The following LINC00632 variants were observed in gnomAD, a reference collection of about 807,000 sequenced individuals.
The protein encoded by LINC00632 is long independently transcribed non-coding RNA 632.
rs1420363465 is a variant in LINC00632 at position 140,753,219 on chromosome X, T to C, written n.192-18859T>C. ...GTGAGAGCAGACTAAGATTCCAGAG[T>C]CTGTACTAATTAGAGTCTATGCTAC... is the stretch of plus-strand genomic sequence containing the variant. On this transcript the variant is annotated intron_variant and non_coding_transcript_variant, in intron 3 of 4. Coordinates refer to ENST00000648200, the Ensembl canonical transcript of LINC00632. Among the ~76,000 whole-genome samples, 3 of 111,670 alleles carry C rather than the reference T, an allele frequency of 2.7e-5. No homozygotes were observed. In the East Asian group the frequency reaches 8.4e-4, roughly 31 times the overall value.
At chrX:140,789,637 T>C (rs1932077556) in exon 5 of LINC00632, among the ~76,000 whole-genome samples, 1 of 112,357 alleles carries the variant, frequency 8.9e-6, no homozygotes, top group Non-Finnish European at 1.9e-5. Context: ...TTTTGACTTT[T>C]GTCAGTATTT....
At chrX:140,717,162 T>C (rs776732616) in intron 2 of LINC00632, among the ~76,000 whole-genome samples, 1 of 110,484 alleles carries the variant, frequency 9.1e-6, no homozygotes, top group African/African-American at 3.3e-5. Context: ...TTTGTATTTT[T>C]AGTAGAGACA....
At chrX:140,714,124 C>G (rs1327689749) in intron 2 of LINC00632, 1 of 176,598 alleles carries the variant, frequency 5.7e-6, no homozygotes, top group Non-Finnish European at 1.1e-5. Flanking sequence ...TCCTAGAGCA[C>G]AGGGACTCTT....
intron 3 of LINC00632, among the ~76,000 whole-genome samples, chrX:140,742,866 A>AGATT: frequency 1.1e-5 from 1 of 94,463 alleles, no homozygotes; most frequent in Admixed American, 1.2e-4. Flanking sequence ...AGAGAGAGAG[A>AGATT]GAGAGAGAGA....
chrX:140,755,146 T>C (rs1931472562), intron 3 of LINC00632, among the ~76,000 whole-genome samples: 1 of 112,261 alleles, frequency 8.9e-6, no homozygotes, highest in Non-Finnish European at 1.9e-5. Context: ...CTGATCCTGG[T>C]AAGTCACAGA....
chrX:140,783,565 C>T (rs1569357693), exon 5 of LINC00632: 2 of 1,186,659 alleles, frequency 1.7e-6, no homozygotes, highest in East Asian at 3.0e-5. Flanking sequence ...AAATCTAGTT[C>T]TTCCAGAAAA....
At chrX:140,737,402 A>G (rs1931161856) in intron 3 of LINC00632, among the ~76,000 whole-genome samples, 1 of 111,565 alleles carries the variant, frequency 9.0e-6, no homozygotes, top group Admixed American at 9.6e-5. Flanking sequence ...AGAATTTGTA[A>G]TGATCAGGTC....
At chrX:140,754,820 T>A in intron 3 of LINC00632, among the ~76,000 whole-genome samples, 1 of 104,490 alleles carries the variant, frequency 9.6e-6, no homozygotes, top group Non-Finnish European at 2.0e-5. Flanking sequence ...GATTTCATGT[T>A]GATTTCTGAT....
At chrX:140,765,533 T>C (rs1051530786) in intron 3 of LINC00632, among the ~76,000 whole-genome samples, 3 of 112,317 alleles carry the variant, frequency 2.7e-5, no homozygotes, top group Non-Finnish European at 5.6e-5. Flanking sequence ...ATTGTTTTTC[T>C]AGAAGAGGGA....
chrX:140,709,897 A>G (rs2148373331), intron 1 of LINC00632: 1 of 302,242 alleles, frequency 3.3e-6, no homozygotes, highest in South Asian at 3.2e-5. Flanking sequence ...ATAATGCAAA[A>G]TTGTGTAGGA....
chrX:140,788,226 A>T (rs1932045646), exon 5 of LINC00632, among the ~76,000 whole-genome samples: 1 of 110,551 alleles, frequency 9.0e-6, no homozygotes, highest in Admixed American at 9.7e-5. Context: ...AATTCATATT[A>T]TGGTTAACAT....
At chrX:140,738,835 G>T (rs965492200) in intron 3 of LINC00632, among the ~76,000 whole-genome samples, 1 of 111,946 alleles carries the variant, frequency 8.9e-6, no homozygotes, top group Non-Finnish European at 1.9e-5. Flanking sequence ...TACTTGTGAA[G>T]CTCACATTGT....
At chrX:140,774,371 C>T (rs1450509338) in intron 4 of LINC00632, among the ~76,000 whole-genome samples, 1 of 111,742 alleles carries the variant, frequency 8.9e-6, no homozygotes, top group Non-Finnish European at 1.9e-5. Context: ...AAACAAACAC[C>T]GATAAGTATT....
chrX:140,761,715 A>G (rs901224424), intron 3 of LINC00632, among the ~76,000 whole-genome samples: 2 of 112,819 alleles, frequency 1.8e-5, no homozygotes, highest in African/African-American at 6.4e-5. Context: ...GTCTAAGATA[A>G]CAACATGTTT....
intron 3 of LINC00632, among the ~76,000 whole-genome samples, chrX:140,759,338 TTCCTTCC>T (rs1301323413): frequency 4.8e-4 from 26 of 54,062 alleles, no homozygotes; most frequent in East Asian, 1.6e-3. Context: ...CCTTCCTTCC[TTCCTTCC>T]TTTCTTTCTT....
At chrX:140,772,565 G>A in exon 4 of LINC00632, 1 of 277,038 alleles carries the variant, frequency 3.6e-6, no homozygotes, top group East Asian at 5.1e-5. Context: ...TATGTTAATA[G>A]CGAACACAAT....
chrX:140,765,791 G>T (rs1202166702), intron 3 of LINC00632, among the ~76,000 whole-genome samples: 1 of 111,722 alleles, frequency 9.0e-6, no homozygotes, highest in East Asian at 2.8e-4. Context: ...TGCTATTACC[G>T]TTAAGGGAGG....
intron 2 of LINC00632, among the ~76,000 whole-genome samples, chrX:140,712,454 T>C (rs1358758171): frequency 9.4e-6 from 1 of 105,905 alleles, no homozygotes; most frequent in Non-Finnish European, 1.9e-5. Flanking sequence ...AGAGTTAAAG[T>C]TGGCTCGACT....
intron 2 of LINC00632, among the ~76,000 whole-genome samples, chrX:140,727,577 G>A (rs189616005): frequency 0.013 from 1,457 of 111,663 alleles, 49 homozygotes; most frequent in Admixed American, 0.12. Flanking sequence ...ACAGGCGTGA[G>A]CCACCACGCC....
Sources: allele counts gnomAD v4.1 joint callset (sites outside exome capture counted in the v4.1 genomes callset), GRCh38; gene constraint gnomAD v4.1.1; transcripts MANE v1.5; gene names NCBI Gene and HGNC (gene_info 2026-07-23, HGNC 2026-07-21).